HMCES: variants seen among roughly 807,000 people sequenced by gnomAD.
HMCES encodes the protein 5-hydroxymethylcytosine binding, ES cell specific.
In HMCES, 27 loss-of-function variants were observed where a neutral mutation model predicts 35.1. The ratio of observed to expected loss-of-function variants is 0.77; its 90% CI spans 0.57 to 1.06. HMCES has a LOEUF of 1.06. Among genes scored for constraint, HMCES ranks in the 50% least tolerant of loss-of-function variants. HMCES has a pLI of 0.00. For missense variants in HMCES, 391 were observed against 430.4 expected, an observed-to-expected ratio of 0.91 and a Z score of 0.81; for synonymous variants, 130 against 154.7, an observed-to-expected ratio of 0.84 and a Z score of 1.18.
rs1256082528 is a variant in HMCES at position 129,304,852 on chromosome 3, G to T, written c.*27G>T. ...ACAGGACTTTCAGAGACCAAGGCCA[G>T]GGTCTGCTGCACTGCTGTTCTGATA... On this transcript the variant is annotated 3_prime_UTR_variant, in exon 7 of 7. Coordinates refer to ENST00000383463, the MANE Select transcript of HMCES (RefSeq NM_020187.3). 3.2e-6 allele frequency: 5 copies of T among 1,546,360 alleles called. No individual in the cohort carries two copies. The highest frequency in any genetic ancestry group is 1.1e-5 in the South Asian group (1 of 89,532).
chr3:129,305,681 G>A lies in HMCES; in HGVS notation c.*856G>A, dbSNP rs1238140358. On this transcript the variant is annotated 3_prime_UTR_variant, in exon 7 of 7. Transcript: ENST00000383463. ...AGAAAACAGCTTCCGAGATGACCAG[G>A]AGGACTGGGCGGCGCCGAGCCCAGA... The A allele has an allele frequency of 6.6e-6, 1 of 152,264 alleles. No homozygotes were observed. Among genetic ancestry groups the A allele is most frequent in the African/African-American group, 2.4e-5 (1 of 41,458 alleles). The allele number at this position is 152,264 out of a possible 1,614,324, so 9.4% of individuals were successfully genotyped here. A position where few individuals can be genotyped will look rare whatever the true frequency, so the allele number is the denominator to read the frequency against.
At chr3:129,281,926 CAAAA>C (rs553350109) in intron 2 of HMCES, among the ~76,000 whole-genome samples, 1 of 71,590 alleles carries the variant, frequency 1.4e-5, no homozygotes, top group East Asian at 4.7e-4. Context: ...GACTCAGTCT[CAAAA>C]AAAAAAAAAA....
At position 129,298,533 on chromosome 3, in the gene HMCES, C is replaced by T. The variant is rs2071121617; in HGVS notation, c.633C>T (p.His211=). 2 of 1,612,920 alleles carry T rather than the reference C, an allele frequency of 1.2e-6. No homozygotes were observed. The highest frequency in any genetic ancestry group is 1.1e-5 in the South Asian group (1 of 91,044). ...DSCKGLSDIH[H]RMPAILDGEE... ...GCAAAGGCTTGAGTGACATCCACCA[C>T]AGGCAAGTCATACTTCTTAGCCCTG... Residue 211 remains histidine (H), a splice_region_variant and synonymous_variant, in exon 5 of 7, where the codon CAC becomes CAT. Coordinates refer to ENST00000383463, the MANE Select transcript of HMCES (RefSeq NM_020187.3).
chr3:129,298,621 A>G (rs2071122816), intron 5 of HMCES, 86 bp downstream of exon 5: 1 of 1,149,426 alleles, frequency 8.7e-7, no homozygotes, highest in Admixed American at 2.5e-5. Context: ...AGAGTAGGAA[A>G]CCAAGTCATT....
chr3:129,303,772 A>G lies in HMCES; in HGVS notation c.829-817A>G, dbSNP rs2071200573. Among the ~76,000 whole-genome samples, 4 of 150,688 alleles carry G rather than the reference A, an allele frequency of 2.7e-5. No individual in the cohort carries two copies. In the Admixed American group the frequency reaches 2.7e-4, roughly 10 times the overall value. On this transcript the variant is annotated intron_variant, in intron 6 of 6. Transcript: ENST00000383463. ...CTTTTTCTTTTTTAGAGACAGGGTC[A>G]TGCTCTGTTGCCCAGGTTAGACTGC...
chr3:129,301,865 G>A lies in HMCES; in HGVS notation c.636-85G>A. ...GGCAAGCTCCCCTTGTGATATTTGAGGTATCAGCTGACTCAAGTCTCTCTC... is the reference window on the plus strand; with the variant it reads ...GGCAAGCTCCCCTTGTGATATTTGAAGTATCAGCTGACTCAAGTCTCTCTC... On this transcript the variant is annotated intron_variant, in intron 5 of 6. Transcript: ENST00000383463. 3.8e-6 allele frequency: 4 copies of A among 1,066,102 alleles called. No homozygotes were observed. The South Asian group carries it at 6.1e-5, about 16-fold the overall frequency. 66.0% of individuals were successfully genotyped at this position (1,066,102 alleles called of 1,614,324 possible).
At chr3:129,301,219 A>C (rs200752666) in intron 5 of HMCES, among the ~76,000 whole-genome samples, 5 of 147,856 alleles carry the variant, frequency 3.4e-5, no homozygotes, top group South Asian at 2.1e-4. Context: ...AGAAAAAAAA[A>C]AAAATATGCT....
At position 129,305,131 on chromosome 3, in the gene HMCES, G is replaced by A. The variant is rs897212155; in HGVS notation, c.*306G>A. 2 of 412,604 alleles carry A rather than the reference G, an allele frequency of 4.8e-6. No homozygotes were observed. The highest frequency in any genetic ancestry group is 3.9e-5 in the African/African-American group (2 of 50,664). The allele number at this position is 412,604 out of a possible 1,614,324, so 25.6% of individuals were successfully genotyped here. On this transcript the variant is annotated 3_prime_UTR_variant, in exon 7 of 7. Transcript: ENST00000383463. ...AAAGCATGCCTTACCCAGCTGGGAA[G>A]TCTCTGCCCTGATCTGGTACTCCTT...
chr3:129,286,154 T>C (rs892269999), intron 2 of HMCES, among the ~76,000 whole-genome samples: 11 of 152,244 alleles, frequency 7.2e-5, no homozygotes, highest in Non-Finnish European at 1.3e-4. Flanking sequence ...TAAAGTCTTA[T>C]TAGACCACAG....
At chr3:129,302,441 G>A (rs995277385) in intron 6 of HMCES, among the ~76,000 whole-genome samples, 8 of 152,192 alleles carry the variant, frequency 5.3e-5, no homozygotes, top group African/African-American at 1.7e-4. Flanking sequence ...CAGGCTGGGC[G>A]CAGTGGCTCA....
At chr3:129,299,368 G>A (rs1240183200) in intron 5 of HMCES, among the ~76,000 whole-genome samples, 1 of 152,142 alleles carries the variant, frequency 6.6e-6, no homozygotes, top group Admixed American at 6.5e-5. Flanking sequence ...TTTGAGGCAT[G>A]CATTTGTAAT....
intron 4 of HMCES, among the ~76,000 whole-genome samples, chr3:129,291,160 C>A (rs905795870): frequency 5.3e-5 from 8 of 152,066 alleles, no homozygotes; most frequent in African/African-American, 9.7e-5. Context: ...TATGATCACA[C>A]CACTGCACTG....
intron 3 of HMCES, 80 bp downstream of exon 3, chr3:129,289,077 G>A: frequency 2.6e-6 from 3 of 1,139,728 alleles, no homozygotes; most frequent in African/African-American, 1.6e-5. Context: ...AGCCTACAGA[G>A]GACAACCAAA....
At chr3:129,292,863 GA>G (rs1006793677) in intron 4 of HMCES, among the ~76,000 whole-genome samples, 5 of 152,106 alleles carry the variant, frequency 3.3e-5, no homozygotes, top group African/African-American at 9.7e-5. Context: ...TGGCTTTAAG[GA>G]GTACTTTTAT....
At chr3:129,292,562 G>A (rs1238472582) in intron 4 of HMCES, among the ~76,000 whole-genome samples, 1 of 148,410 alleles carries the variant, frequency 6.7e-6, no homozygotes, top group Non-Finnish European at 1.5e-5. Flanking sequence ...GCGTGATCTC[G>A]GCTCACTGCA....
chr3:129,279,562 T>C lies in HMCES; in HGVS notation c.-23-148T>C. ...AGCGAAGCAAACGGGCACATCCTTG[T>C]CTTTGTGGGACTTTTTGGGGAAGAC... On this transcript the variant is annotated intron_variant, in intron 1 of 6. Transcript: ENST00000383463. This position sits in a 1 kb window ranked among gnomAD's most constrained non-coding sequence, Gnocchi z 4.2. 1 of 761,234 alleles carries C rather than the reference T, an allele frequency of 1.3e-6. No homozygotes were observed. The highest frequency in any genetic ancestry group is 2.1e-6 in the Non-Finnish European group (1 of 478,020). The allele number at this position is 761,234 out of a possible 1,614,324, so 47.2% of individuals were successfully genotyped here. A position where few individuals can be genotyped will look rare whatever the true frequency, so the allele number is the denominator to read the frequency against.
chr3:129,290,570 C>T (rs1166065471), intron 3 of HMCES, 109 bp from the exon 4 acceptor site: 1 of 1,216,478 alleles, frequency 8.2e-7, no homozygotes, highest in Non-Finnish European at 1.2e-6. Flanking sequence ...AGCCGTGAGC[C>T]ACCCGCCTGG....
chr3:129,299,072 C>G (rs78202183), intron 5 of HMCES, among the ~76,000 whole-genome samples: 10,117 of 152,204 alleles, frequency 0.066, 1,094 homozygotes, highest in African/African-American at 0.23. Context: ...GGTGTGACCC[C>G]GGGAGGTGGA....
intron 2 of HMCES, among the ~76,000 whole-genome samples, chr3:129,284,482 G>A (rs920045735): frequency 6.6e-5 from 10 of 152,208 alleles, no homozygotes; most frequent in Non-Finnish European, 4.4e-5. Flanking sequence ...TGATGAAAGT[G>A]TCGTCACCAG....
Sources: allele counts gnomAD v4.1 joint callset (sites outside exome capture counted in the v4.1 genomes callset), GRCh38; gene constraint gnomAD v4.1.1; non-coding constraint Gnocchi (gnomAD v3.1); transcripts MANE v1.5; gene names NCBI Gene and HGNC (gene_info 2026-07-23, HGNC 2026-07-21).